The following UNKL variants were observed in gnomAD, a reference collection of about 807,000 sequenced individuals.
UNKL encodes unk like zinc finger, also known as putative E3 ubiquitin-protein ligase UNKL.
UNKL carries 60 observed loss-of-function variants against 78.0 expected under a neutral mutation model. The ratio of observed to expected loss-of-function variants is 0.77; its 90% confidence interval spans 0.63 to 0.95. UNKL has a LOEUF of 0.95. UNKL is among the 40% of genes least tolerant of loss of function. The probability of loss-of-function intolerance (pLI) is 0.00; values close to 1 mark genes in which losing one functional copy is unlikely to be tolerated. For synonymous variants in UNKL, 608 were observed against 474.8 expected (o/e 1.28, Z -3.65); for missense variants, 1,159 against 1,045.7 (o/e 1.11, Z -1.49).
intron 12 of UNKL, 140 bp downstream of exon 12, chr16:1,369,990 T>C: frequency 1.3e-6 from 2 of 1,550,974 alleles, no homozygotes; most frequent in Non-Finnish European, 1.7e-6. Flanking sequence ...TGGGGGAACC[T>C]GTGAGCAGCA....
At chr16:1,372,363 A>G (rs1318785654) in intron 10 of UNKL, among the ~76,000 whole-genome samples, 1 of 152,188 alleles carries the variant, frequency 6.6e-6, no homozygotes, top group Non-Finnish European at 1.5e-5. Flanking sequence ...CAAGACCTCA[A>G]TTCCCAAGGC....
chr16:1,384,172 C>T (rs2036718925), intron 10 of UNKL, among the ~76,000 whole-genome samples: 1 of 152,158 alleles, frequency 6.6e-6, no homozygotes, highest in African/African-American at 2.4e-5. Flanking sequence ...AGCGTCTCTG[C>T]AAGCAAAGCC....
At position 1,369,059 on chromosome 16, in the gene UNKL, T is replaced by C. The variant is rs1055211810; in HGVS notation, c.1585+1071A>G. On this transcript the variant is annotated intron_variant, in intron 12 of 14. Transcript: ENST00000389221. ...CTATGTTGGCCCAAAGTATTAGTTT[T>C]TTTTTTTTTTTTTTTTTTTTTTTTG... Among the ~76,000 whole-genome samples the C allele has an allele frequency of 2.7e-5, 3 of 112,986 alleles. No homozygotes were observed. In the South Asian group the frequency reaches 1.0e-3, roughly 38 times the overall value. The allele number at this position is 112,986 out of a possible 152,430, so 74.1% of individuals were successfully genotyped here. A position where few individuals can be genotyped will look rare whatever the true frequency, so the allele number is the denominator to read the frequency against.
intron 10 of UNKL, among the ~76,000 whole-genome samples, chr16:1,384,987 G>A (rs1345839089): frequency 2.0e-5 from 3 of 152,278 alleles, no homozygotes; most frequent in Admixed American, 2.0e-4. Context: ...CGTCCCCAGC[G>A]CCTGCGGCAC....
chr16:1,403,044 A>T lies in UNKL; in HGVS notation c.464+124T>A. Reference sequence around the variant, plus strand: ...CAGACTCAGAAAGAAATTCTGGAGGAGAGAGATTTGGGCCAGCAGAGCCTG... The same window carrying T: ...CAGACTCAGAAAGAAATTCTGGAGGTGAGAGATTTGGGCCAGCAGAGCCTG... On this transcript the variant is annotated intron_variant, in intron 3 of 14. Coordinates refer to ENST00000389221, the MANE Select transcript of UNKL (RefSeq NM_001372107.1). This position sits in a 1 kb window ranked among gnomAD's most constrained non-coding sequence, Gnocchi z 4.8. The T allele has an allele frequency of 8.3e-7, 1 of 1,210,698 alleles. No homozygotes were observed. The highest frequency in any genetic ancestry group is 1.1e-6 in the Non-Finnish European group (1 of 894,384). 75.0% of individuals were successfully genotyped at this position (1,210,698 alleles called of 1,614,324 possible). A position where few individuals can be genotyped will look rare whatever the true frequency, so the allele number is the denominator to read the frequency against.
intron 10 of UNKL, among the ~76,000 whole-genome samples, chr16:1,379,963 G>T (rs181146958): frequency 1.3e-5 from 2 of 152,302 alleles, no homozygotes; most frequent in South Asian, 4.1e-4. Flanking sequence ...GGCGGACTCA[G>T]GTGAAACACG....
intron 4 of UNKL, among the ~76,000 whole-genome samples, chr16:1,400,084 T>C (rs1388017082): frequency 2.6e-5 from 4 of 152,084 alleles, no homozygotes; most frequent in African/African-American, 9.7e-5. Context: ...TCAGTTTTGC[T>C]GTGAACCGGA....
chr16:1,409,645 G>C (rs2037945821), intron 2 of UNKL, among the ~76,000 whole-genome samples: 1 of 152,054 alleles, frequency 6.6e-6, no homozygotes, highest in Non-Finnish European at 1.5e-5. Flanking sequence ...TGATGTTATG[G>C]AACTGCTACT....
chr16:1,389,444 G>A (rs373485074), intron 9 of UNKL, among the ~76,000 whole-genome samples: 20 of 152,294 alleles, frequency 1.3e-4, no homozygotes, highest in African/African-American at 4.8e-4. Flanking sequence ...GCCTGGTGGT[G>A]TATGCCTGGG....
chr16:1,389,295 G>A (rs965290433), intron 9 of UNKL, among the ~76,000 whole-genome samples: 2 of 152,146 alleles, frequency 1.3e-5, no homozygotes, highest in African/African-American at 2.4e-5. Context: ...AAGGTGAAAT[G>A]AGTTCTTACT....
chr16:1,411,489 GC>G (rs1328037722), intron 2 of UNKL, among the ~76,000 whole-genome samples: 1 of 152,086 alleles, frequency 6.6e-6, no homozygotes, highest in Non-Finnish European at 1.5e-5. Context: ...CCGTGTTCAT[GC>G]CCCTGCACTC....
intron 8 of UNKL, among the ~76,000 whole-genome samples, chr16:1,392,151 T>G (rs369989047): frequency 6.6e-6 from 1 of 152,156 alleles, no homozygotes. Context: ...AAGAAATATA[T>G]GAAGGGAGTC....
At chr16:1,411,134 T>C (rs930354355) in intron 2 of UNKL, among the ~76,000 whole-genome samples, 1 of 152,044 alleles carries the variant, frequency 6.6e-6, no homozygotes, top group Non-Finnish European at 1.5e-5. Flanking sequence ...GAGGATCTCT[T>C]GGGTCCAGGA....
At chr16:1,396,611 T>C (rs2037272346) in intron 6 of UNKL, among the ~76,000 whole-genome samples, 1 of 152,080 alleles carries the variant, frequency 6.6e-6, no homozygotes, top group Non-Finnish European at 1.5e-5. Context: ...TTTTTTTTCC[T>C]GAGGCAGAGT....
chr16:1,397,158 G>T lies in UNKL; in HGVS notation c.852+20C>A, dbSNP rs913943432. On this transcript the variant is annotated intron_variant, in intron 6 of 14. Coordinates refer to ENST00000389221, the MANE Select transcript of UNKL (RefSeq NM_001372107.1). ...GGACCTTCCAGCGACCCCTACGCCT[G>T]GGGGGTTGGAGGGACGTACCTCGGG... The T allele has an allele frequency of 6.5e-7, 1 of 1,543,672 alleles. No individual in the cohort carries two copies. The highest frequency in any genetic ancestry group is 8.7e-7 in the Non-Finnish European group (1 of 1,144,340).
chr16:1,407,552 TG>T lies in UNKL; in HGVS notation c.288-4209del, dbSNP rs11311157. Among the ~76,000 whole-genome samples the T allele has an allele frequency of 8.0e-3, 1,214 of 152,080 alleles. 19 individuals are homozygous for T. The highest frequency in any genetic ancestry group is 0.026 in the African/African-American group (1,082 of 41,490). ...CCTACAAAAAATACAAAAATTCAGC[TG>T]GGCGTGGTGGTGTGCGCCTATGGTC... On this transcript the variant is annotated intron_variant, in intron 2 of 14. Transcript: ENST00000389221.
rs1488085170 is a variant in UNKL at position 1,366,396 on chromosome 16, C to G, written c.2047-1G>C. The G allele has an allele frequency of 1.3e-6, 2 of 1,585,610 alleles. No individual in the cohort carries two copies. The highest frequency in any genetic ancestry group is 8.6e-7 in the Non-Finnish European group (1 of 1,162,520). On this transcript the variant is annotated splice_acceptor_variant, in intron 14 of 14. Coordinates refer to ENST00000389221, the MANE Select transcript of UNKL (RefSeq NM_001372107.1). LOFTEE classifies it high-confidence loss of function. Reference sequence around the variant, plus strand: ...GCTTGGCGCGGAGCTGGAAGATCACCTGCAGGGCCAGAACAATGACGGGCT... The same window carrying G: ...GCTTGGCGCGGAGCTGGAAGATCACGTGCAGGGCCAGAACAATGACGGGCT...
In UNKL at chr16:1,397,256, C is replaced by T. The variant is rs1175360804; in HGVS notation, c.774G>A (p.Trp258Ter). The T allele has an allele frequency of 6.5e-7, 1 of 1,541,040 alleles. No individual in the cohort carries two copies. Among genetic ancestry groups the T allele is most frequent in the East Asian group, 2.4e-5 (1 of 40,906 alleles). Residue 258 changes from tryptophan to a stop codon, truncating the protein, a stop_gained, in exon 6 of 15, where the codon TGG becomes TGA. Transcript: ENST00000389221. LOFTEE classifies it high-confidence loss of function. ...CGCCATCGCAGCGTGAGGGTTCCCC[C>T]CACTCATCCCCGTGCTTCACACTGG... ...PCPSVKHGDE[W>*]GEPSRCDGGD...
At chr16:1,401,523 G>GGGCGGGCCCCCC in intron 4 of UNKL, 45 bp downstream of exon 4, 1 of 1,470,346 alleles carries the variant, frequency 6.8e-7, no homozygotes, top group Non-Finnish European at 9.1e-7. Context: ...CTCGCGCTGT[G>GGGCGGGCCCCCC]CCCGCCCCCC....
Sources: gnomAD v4.1 joint callset for allele counts (sites outside exome capture counted in the v4.1 genomes callset) on GRCh38, gnomAD v4.1.1 for gene constraint, Gnocchi (gnomAD v3.1) non-coding constraint, MANE v1.5 for transcripts, NCBI Gene and HGNC (gene_info 2026-07-23, HGNC 2026-07-21) for gene names.